The following NDUFS4 variants were observed in gnomAD, a reference collection of about 807,000 sequenced individuals.
NDUFS4 encodes the protein NADH:ubiquinone oxidoreductase subunit S4, also known as NADH dehydrogenase [ubiquinone] iron-sulfur protein 4, mitochondrial.
In NDUFS4, 28 loss-of-function variants were observed where a neutral mutation model predicts 24.3. The observed-to-expected ratio is 1.15, with a 90% CI of 0.85 to 1.58. The LOEUF (loss-of-function observed/expected upper bound fraction) is 1.58, where lower values mean the gene tolerates loss of function less well. Among genes scored for constraint, NDUFS4 ranks in the 40% most tolerant of loss-of-function variants. NDUFS4 has a pLI of 0.00. For synonymous variants in NDUFS4, 93 were observed against 69.7 expected (o/e 1.34, Z -1.67); for missense variants, 223 against 207.9 (o/e 1.07, Z -0.45).
chr5:53,584,964 C>T (rs1378688996), intron 1 of NDUFS4, among the ~76,000 whole-genome samples: 1 of 152,072 alleles, frequency 6.6e-6, no homozygotes, highest in Non-Finnish European at 1.5e-5. Context: ...GATGGGGTTT[C>T]ACCATGTTGG....
intron 1 of NDUFS4, among the ~76,000 whole-genome samples, chr5:53,565,836 T>C (rs1363093623): frequency 1.3e-5 from 2 of 152,198 alleles, no homozygotes; most frequent in Non-Finnish European, 2.9e-5. Context: ...CCTTGGAACA[T>C]GAGAACTTTT....
At chr5:53,649,806 A>T (rs757484435) in intron 3 of NDUFS4, among the ~76,000 whole-genome samples, 18 of 152,220 alleles carry the variant, frequency 1.2e-4, no homozygotes, top group Non-Finnish European at 2.4e-4. Flanking sequence ...TTAGGGTATA[A>T]GCATTTCCTT....
At chr5:53,633,935 G>GA (rs1208707606) in intron 2 of NDUFS4, among the ~76,000 whole-genome samples, 4 of 152,072 alleles carry the variant, frequency 2.6e-5, no homozygotes, top group Admixed American at 6.6e-5. Flanking sequence ...ATGGTTTATG[G>GA]AAAAAACACC....
chr5:53,647,631 T>C (rs755935548), intron 3 of NDUFS4, among the ~76,000 whole-genome samples: 2 of 152,216 alleles, frequency 1.3e-5, no homozygotes, highest in African/African-American at 4.8e-5. Flanking sequence ...GGGCTGATTC[T>C]AGTTAAATTT....
At chr5:53,661,391 T>G (rs940722254) in intron 4 of NDUFS4, among the ~76,000 whole-genome samples, 5 of 152,218 alleles carry the variant, frequency 3.3e-5, no homozygotes, top group Admixed American at 1.3e-4. Flanking sequence ...CCATGCTATT[T>G]TGGTTACTGT....
At chr5:53,571,183 C>G (rs1749199126) in intron 1 of NDUFS4, among the ~76,000 whole-genome samples, 1 of 152,190 alleles carries the variant, frequency 6.6e-6, no homozygotes, top group South Asian at 2.1e-4. Flanking sequence ...CACTCAAACT[C>G]TGTACCCATT....
chr5:53,595,246 T>C (rs1456854921), intron 1 of NDUFS4, among the ~76,000 whole-genome samples: 1 of 152,140 alleles, frequency 6.6e-6, no homozygotes, highest in East Asian at 1.9e-4. Context: ...TTATGAATTT[T>C]TTCTTCTCAT....
chr5:53,670,298 AAAT>A (rs1280937101), intron 4 of NDUFS4, among the ~76,000 whole-genome samples: 2 of 118,062 alleles, frequency 1.7e-5, no homozygotes, highest in African/African-American at 6.4e-5. Context: ...AGATCTTAAA[AAAT>A]AATAATCTAG....
At chr5:53,670,967 A>ACTAT (rs1740195072) in intron 4 of NDUFS4, among the ~76,000 whole-genome samples, 2 of 151,552 alleles carry the variant, frequency 1.3e-5, no homozygotes, top group African/African-American at 4.8e-5. Flanking sequence ...TTTATACTCT[A>ACTAT]CTATCTATAT....
chr5:53,597,336 T>C (rs1055369321), intron 1 of NDUFS4, among the ~76,000 whole-genome samples: 6 of 152,200 alleles, frequency 3.9e-5, no homozygotes, highest in African/African-American at 7.2e-5. Context: ...CAGTTTAACT[T>C]TCTCATATTG....
intron 2 of NDUFS4, among the ~76,000 whole-genome samples, chr5:53,627,694 G>A (rs1196087686): frequency 6.6e-6 from 1 of 152,112 alleles, no homozygotes; most frequent in Non-Finnish European, 1.5e-5. Flanking sequence ...TCTGTTATTG[G>A]TGTATAAGAA....
intron 4 of NDUFS4, among the ~76,000 whole-genome samples, chr5:53,665,366 C>T (rs1332745093): frequency 1.3e-5 from 2 of 152,184 alleles, no homozygotes; most frequent in African/African-American, 4.8e-5. Flanking sequence ...CAGACAGGGA[C>T]ATTTAAGTCT....
intron 1 of NDUFS4, among the ~76,000 whole-genome samples, chr5:53,590,192 G>C (rs926909946): frequency 1.1e-4 from 17 of 152,152 alleles, no homozygotes; most frequent in African/African-American, 4.1e-4. Context: ...GCTGAAAGGT[G>C]AACTAGGCAG....
chr5:53,596,789 C>A (rs377246644), intron 1 of NDUFS4, among the ~76,000 whole-genome samples: 1 of 152,054 alleles, frequency 6.6e-6, no homozygotes, highest in Non-Finnish European at 1.5e-5. Context: ...TGACAACAAA[C>A]GTAATTAGTT....
chr5:53,560,795 TGGGTCCCTCCA>T, intron 1 of NDUFS4, 35 bp downstream of exon 1: 1 of 1,613,644 alleles, frequency 6.2e-7, no homozygotes. Flanking sequence ...TCAAGCTTCT[TGGGTCCCTCCA>T]TTTTTGCGGA....
At chr5:53,605,261 G>A (rs1750462527) in intron 2 of NDUFS4, among the ~76,000 whole-genome samples, 2 of 152,162 alleles carry the variant, frequency 1.3e-5, no homozygotes, top group Admixed American at 6.5e-5. Flanking sequence ...ATGTGTGTAT[G>A]AAGTGAGGAT....
chr5:53,567,984 A>G (rs114544010), intron 1 of NDUFS4, among the ~76,000 whole-genome samples: 2 of 152,150 alleles, frequency 1.3e-5, no homozygotes, highest in Non-Finnish European at 2.9e-5. Flanking sequence ...CAGTGACCAC[A>G]TTCTTCATAA....
intron 2 of NDUFS4, among the ~76,000 whole-genome samples, chr5:53,621,765 G>A (rs922270322): frequency 5.9e-5 from 8 of 134,510 alleles, no homozygotes; most frequent in Non-Finnish European, 9.1e-5. Context: ...GCAGTGGCGC[G>A]ATCTCAACTC....
At chr5:53,616,733 G>A (rs1389154137) in intron 2 of NDUFS4, among the ~76,000 whole-genome samples, 2 of 152,120 alleles carry the variant, frequency 1.3e-5, no homozygotes, top group Non-Finnish European at 1.5e-5. Flanking sequence ...ATTATAATGA[G>A]AAGGCTTTAT....
Sources: gnomAD v4.1 joint callset for allele counts (sites outside exome capture counted in the v4.1 genomes callset) on GRCh38, gnomAD v4.1.1 for gene constraint, MANE v1.5 for transcripts, NCBI Gene and HGNC (gene_info 2026-07-23, HGNC 2026-07-21) for gene names.